Variants in UBE2G2 observed in about 807,000 individuals in gnomAD.
UBE2G2 encodes the protein ubiquitin conjugating enzyme E2 G2.
Under a neutral mutation model 23.0 loss-of-function variants are expected in UBE2G2, and 10 were observed. That is an observed-to-expected ratio of 0.43 (90% CI 0.27 to 0.74). The LOEUF is 0.74. Ranked by LOEUF, UBE2G2 falls within the 30% of genes least tolerant of loss-of-function variation. The probability of loss-of-function intolerance (pLI) is 0.19; values close to 1 mark genes in which losing one functional copy is unlikely to be tolerated. For synonymous variants in UBE2G2, 86 were observed against 81.3 expected (o/e 1.06, Z -0.31); for missense variants, 150 against 218.3 (o/e 0.69, Z 1.97).
Position 44,773,664 on chromosome 21 carries a change from T to C in UBE2G2, c.268A>G (p.Ile90Val), listed in dbSNP as rs1555960225. The C allele has an allele frequency of 2.5e-6, 4 of 1,612,684 alleles. No homozygotes were observed. The highest frequency in any genetic ancestry group is 2.5e-6 in the Non-Finnish European group (3 of 1,180,018). ...PNIYPDGRVCISILHAPGDDP... is the reference protein window; with the variant it reads ...PNIYPDGRVCVSILHAPGDDP... ...TCGCCTGGCGCGTGGAGGATGGAAA[T>C]GCAGACTCTCCCATCAGGGTAGACT... The change falls in exon 5 of 6, where the codon ATT (isoleucine) becomes GTT (valine). Residue 90 changes from isoleucine to valine, a missense_variant. Transcript: ENST00000345496.
intron 3 of UBE2G2, among the ~76,000 whole-genome samples, chr21:44,787,261 T>C (rs1418183071): frequency 3.3e-5 from 5 of 152,152 alleles, no homozygotes; most frequent in African/African-American, 7.2e-5. Flanking sequence ...GTCAAGGCCA[T>C]AGAACACTCT....
At chr21:44,775,444 G>C (rs1483333525) in intron 4 of UBE2G2, 1 of 152,174 alleles carries the variant, frequency 6.6e-6, no homozygotes, top group Non-Finnish European at 1.5e-5. Context: ...TACGTGTGTT[G>C]AATTGTTTTT....
intron 1 of UBE2G2, among the ~76,000 whole-genome samples, chr21:44,788,607 A>C (rs2146398218): frequency 6.9e-6 from 1 of 144,340 alleles, no homozygotes; most frequent in South Asian, 2.4e-4. Context: ...CTTTATACCA[A>C]CAAAACATAG....
rs138774745 is a variant in UBE2G2, at chr21:44,778,771, G to A, written c.126-1354C>T. Among the ~76,000 whole-genome samples, 1,016 of 152,272 alleles carry A rather than the reference G, an allele frequency of 6.7e-3. 4 individuals carry two copies. The highest frequency in any genetic ancestry group is 0.014 in the South Asian group (67 of 4,820). On this transcript the variant is annotated intron_variant, in intron 3 of 5. Transcript: ENST00000345496. ...GATCAATAAATAGGTCAGTAAACCC[G>A]TTCTCCGTCTACGAACTGAAAGAAC... is the stretch of plus-strand genomic sequence containing the variant.
At chr21:44,774,675 C>G (rs2082900108) in intron 4 of UBE2G2, 1 of 455,606 alleles carries the variant, frequency 2.2e-6, no homozygotes, top group Admixed American at 2.4e-5. Context: ...AACTGAACCA[C>G]AACTTCTCAT....
At chr21:44,776,516 C>G (rs1327491670) in intron 4 of UBE2G2, among the ~76,000 whole-genome samples, 1 of 152,130 alleles carries the variant, frequency 6.6e-6, no homozygotes, top group Admixed American at 6.5e-5. Flanking sequence ...TCTTTTAGAT[C>G]ATTTAAAAAA....
At chr21:44,776,298 A>C (rs1433190752) in intron 4 of UBE2G2, among the ~76,000 whole-genome samples, 1 of 152,110 alleles carries the variant, frequency 6.6e-6, no homozygotes, top group African/African-American at 2.4e-5. Flanking sequence ...TTTAAAATTA[A>C]TATATATTAA....
intron 1 of UBE2G2, chr21:44,800,312 G>A (rs2083124979): frequency 6.6e-6 from 1 of 152,114 alleles, no homozygotes; most frequent in Admixed American, 6.5e-5. Flanking sequence ...TTATTTGAAC[G>A]TTTACAGGAG....
intron 1 of UBE2G2, among the ~76,000 whole-genome samples, chr21:44,797,150 G>A (rs113272924): frequency 2.5e-3 from 382 of 152,320 alleles, no homozygotes; most frequent in Non-Finnish European, 4.6e-3. Context: ...TCTACACATA[G>A]TCCAAAATTT....
chr21:44,791,361 T>C (rs895590848), intron 1 of UBE2G2, among the ~76,000 whole-genome samples: 4 of 151,366 alleles, frequency 2.6e-5, no homozygotes, highest in African/African-American at 9.7e-5. Context: ...GAGGGAAAAA[T>C]GGTTTTGTGG....
At chr21:44,795,118 C>T (rs1555963495) in intron 1 of UBE2G2, among the ~76,000 whole-genome samples, 1 of 151,946 alleles carries the variant, frequency 6.6e-6, no homozygotes, top group Non-Finnish European at 1.5e-5. Context: ...CAAAAATTAG[C>T]CAGGTGTGGT....
chr21:44,800,754 T>C (rs781955660), intron 1 of UBE2G2: 4 of 149,710 alleles, frequency 2.7e-5, no homozygotes, highest in African/African-American at 7.3e-5. Context: ...TCACCACTTA[T>C]TTTTTTTCTC....
chr21:44,788,287 G>GTTTTTTTTTTTTTTT (rs71326069), intron 1 of UBE2G2, among the ~76,000 whole-genome samples, 192 bp from the exon 2 acceptor site: 3 of 135,594 alleles, frequency 2.2e-5, no homozygotes, highest in African/African-American at 5.4e-5. Flanking sequence ...AAGTTTTTTT[G>GTTTTTTTTTTTTTTT]TTTTTTTTTT....
chr21:44,769,058 C>T lies in UBE2G2; in HGVS notation c.*2319G>A, dbSNP rs2082850531. On this transcript the variant is annotated 3_prime_UTR_variant, in exon 6 of 6. Coordinates refer to ENST00000345496, the MANE Select transcript of UBE2G2 (RefSeq NM_003343.6). The stretch of plus-strand genomic sequence containing the variant: ...CACACACTGCAGGGCAGGGAAAACA[C>T]AGAACTTTATTTCAACAGTCATTAG... 1 of 152,220 alleles carries T rather than the reference C, an allele frequency of 6.6e-6. No individual in the cohort carries two copies. The highest frequency in any genetic ancestry group is 1.5e-5 in the Non-Finnish European group (1 of 68,058). The allele number at this position is 152,220 out of a possible 1,614,324, so 9.4% of individuals were successfully genotyped here. A position where few individuals can be genotyped will look rare whatever the true frequency, so the allele number is the denominator to read the frequency against.
intron 1 of UBE2G2, among the ~76,000 whole-genome samples, chr21:44,797,889 GAAGT>G (rs1797725869): frequency 6.6e-6 from 1 of 152,148 alleles, no homozygotes; most frequent in Non-Finnish European, 1.5e-5. Context: ...TGAGGACACA[GAAGT>G]AATAGTCCCC....
At chr21:44,788,034 T>A in intron 2 of UBE2G2, 26 bp downstream of exon 2, 3 of 1,611,988 alleles carry the variant, frequency 1.9e-6, no homozygotes, top group Non-Finnish European at 2.5e-6. Context: ...AAGTAAATTA[T>A]AAGGAAGTTA....
chr21:44,794,200 G>A (rs1357419398), intron 1 of UBE2G2, among the ~76,000 whole-genome samples: 2 of 152,188 alleles, frequency 1.3e-5, no homozygotes, highest in African/African-American at 4.8e-5. Context: ...CAGCCTCCAG[G>A]ACTATGAGGA....
intron 1 of UBE2G2, among the ~76,000 whole-genome samples, chr21:44,794,046 A>AT (rs34632868): frequency 0.79 from 119,609 of 152,014 alleles, 47,642 homozygotes; most frequent in African/African-American, 0.92. Context: ...AGGGCCTTTA[A>AT]GAGGTAATTA....
At chr21:44,774,733 G>A (rs956528140) in intron 4 of UBE2G2, 9 of 455,844 alleles carry the variant, frequency 2.0e-5, no homozygotes, top group Non-Finnish European at 3.5e-5. Context: ...TGGACATCAG[G>A]CTGTCCACCT....
Sources: allele counts gnomAD v4.1 joint callset (sites outside exome capture counted in the v4.1 genomes callset), GRCh38; gene constraint gnomAD v4.1.1; transcripts MANE v1.5; gene names NCBI Gene and HGNC (gene_info 2026-07-23, HGNC 2026-07-21).